Variants in TMEM272 observed in about 807,000 individuals in gnomAD.
TMEM272 encodes the protein transmembrane protein 272, also known as long intergenic non-protein coding RNA 282.
In TMEM272, 8 loss-of-function variants were observed where a neutral mutation model predicts 3.7. The observed-to-expected ratio is 2.17, with a 90% CI of 1.27 to 3.91. The LOEUF (loss-of-function observed/expected upper bound fraction) is 3.91, where lower values mean the gene tolerates loss of function less well. Ranked by LOEUF, TMEM272 falls within the 30% of genes most tolerant of loss-of-function variation. The pLI, the probability that TMEM272 is intolerant of heterozygous loss-of-function variation, is 0.00. For synonymous variants in TMEM272, 63 were observed against 39.8 expected (o/e 1.58, Z -2.20); for missense variants, 166 against 91.5 (o/e 1.81, Z -3.32).
the TMEM272 span, among the ~76,000 whole-genome samples, chr13:51,900,548 G>C: frequency 2.6e-5 from 4 of 152,200 alleles, no homozygotes; most frequent in Non-Finnish European, 5.9e-5. Context: ...CCATGTGTCA[G>C]TTCTTCAATG....
chr13:51,921,483 G>A, the TMEM272 span: 41 of 152,406 alleles, frequency 2.7e-4, no homozygotes, highest in African/African-American at 9.4e-4. Flanking sequence ...CAGTGTCTAA[G>A]CTCAGAGCAG....
chr13:51,816,779 C>T lies in TMEM272; in HGVS notation c.536G>A (p.Arg179Lys), dbSNP rs557274762. The T allele has an allele frequency of 5.7e-6, 4 of 700,978 alleles. No homozygotes were observed. The highest frequency in any genetic ancestry group is 1.0e-5 in the Non-Finnish European group (4 of 383,302). 43.4% of individuals were successfully genotyped at this position (700,978 alleles called of 1,614,324 possible). A position where few individuals can be genotyped will look rare whatever the true frequency, so the allele number is the denominator to read the frequency against. ...LCSGCVYLCSRWRLAADED is the reference protein window; with the variant it reads ...LCSGCVYLCSKWRLAADED ...GTCTTCATCGGCAGCAAGTCTCCAC[C>T]TGGAGCACAGGTAGACACAGCCGCT... The change falls in exon 5 of 5, where the codon AGG becomes AAG. Residue 179 changes from arginine to lysine, a missense_variant. By Grantham distance (26) the Arg-to-Lys change is conservative (BLOSUM62 2). Transcript: ENST00000629372.
At chr13:51,829,649 C>G (rs1178800346) in intron 2 of TMEM272, among the ~76,000 whole-genome samples, 1 of 152,164 alleles carries the variant, frequency 6.6e-6, no homozygotes, top group Non-Finnish European at 1.5e-5. Context: ...GATCGGCATC[C>G]TGAAAAATCC....
chr13:51,896,723 T>G, the TMEM272 span, among the ~76,000 whole-genome samples: 1 of 152,200 alleles, frequency 6.6e-6, no homozygotes, highest in African/African-American at 2.4e-5. Context: ...AACTGTGCAC[T>G]GATCCTTGCC....
the TMEM272 span, among the ~76,000 whole-genome samples, chr13:51,880,308 A>T: frequency 1.3e-5 from 2 of 150,884 alleles, no homozygotes; most frequent in East Asian, 1.9e-4. Context: ...TAAGGACTCT[A>T]AGCTAAGCTG....
At chr13:51,904,945 T>C in the TMEM272 span, among the ~76,000 whole-genome samples, 3,460 of 152,294 alleles carry the variant, frequency 0.023, 138 homozygotes, top group African/African-American at 0.079. Context: ...TTGGAATAGA[T>C]AATTGCTGTG....
At chr13:51,854,810 T>C in the TMEM272 span, among the ~76,000 whole-genome samples, 2 of 152,230 alleles carry the variant, frequency 1.3e-5, no homozygotes, top group Non-Finnish European at 2.9e-5. Flanking sequence ...GTTATTTTAA[T>C]TATTATTATT....
At chr13:51,855,848 C>A in the TMEM272 span, among the ~76,000 whole-genome samples, 5,235 of 151,954 alleles carry the variant, frequency 0.034, 314 homozygotes, top group African/African-American at 0.12. Flanking sequence ...GAAAATAAGA[C>A]GACATATTTA....
intron 2 of TMEM272, among the ~76,000 whole-genome samples, chr13:51,836,848 T>G (rs1027729197): frequency 2.0e-5 from 3 of 152,092 alleles, no homozygotes; most frequent in African/African-American, 7.2e-5. Flanking sequence ...ACCTAAAATG[T>G]TTTTGTCTGG....
chr13:51,908,272 C>T, the TMEM272 span: 1,334 of 973,958 alleles, frequency 1.4e-3, 14 homozygotes, highest in African/African-American at 0.02. Context: ...GCAGACTCAA[C>T]CCTAAAGGGA....
rs1313565540 is a variant in TMEM272 at position 51,830,900 on chromosome 13, ATCTAATGAGGCTCACTCTTGCTCGAGG to A, written c.59-4302_59-4276del. Among the ~76,000 whole-genome samples, 493 of 151,870 alleles carry A rather than the reference ATCTAATGAGGCTCACTCTTGCTCGAGG, an allele frequency of 3.2e-3. 5 individuals carry two copies. The highest frequency in any genetic ancestry group is 0.011 in the African/African-American group (460 of 41,382). Reference sequence around the variant, plus strand: ...CTAAAGAGGCTCACTCTTGCTTGAGATCTAATGAGGCTCACTCTTGCTCGAGGTCTAATGAGGCTCACTCTTGCTCGA... The same window carrying A: ...CTAAAGAGGCTCACTCTTGCTTGAGATCTAATGAGGCTCACTCTTGCTCGA... On this transcript the variant is annotated intron_variant, in intron 2 of 4. Transcript: ENST00000629372.
chr13:51,911,536 A>G, the TMEM272 span, among the ~76,000 whole-genome samples: 5 of 152,316 alleles, frequency 3.3e-5, no homozygotes, highest in African/African-American at 4.8e-5. Flanking sequence ...GCGCATGCAC[A>G]TATCTTCAAC....
the TMEM272 span, among the ~76,000 whole-genome samples, chr13:51,880,514 CTGTT>C: frequency 1.3e-5 from 2 of 152,070 alleles, no homozygotes; most frequent in African/African-American, 2.4e-5. Flanking sequence ...TTTAGTCACA[CTGTT>C]TGTTGTACAA....
At chr13:51,898,151 G>C in the TMEM272 span, among the ~76,000 whole-genome samples, 1 of 151,992 alleles carries the variant, frequency 6.6e-6, no homozygotes, top group Non-Finnish European at 1.5e-5. Flanking sequence ...CTGGGAGGCA[G>C]AGGCTGCAGT....
In TMEM272 at chr13:51,816,739, A is replaced by C. The variant is rs764674115; in HGVS notation, c.*12T>G. On this transcript the variant is annotated 3_prime_UTR_variant, in exon 5 of 5. Transcript: ENST00000629372. The stretch of plus-strand genomic sequence containing the variant: ...CGCATATGCATACATGGTATGCTGG[A>C]CAAGGCAGCTGTCAGTCTTCATCGG... 79 of 693,034 alleles carry C rather than the reference A, an allele frequency of 1.1e-4. No individual in the cohort carries two copies. The highest frequency in any genetic ancestry group is 1.7e-4 in the Non-Finnish European group (65 of 378,294). The allele number at this position is 693,034 out of a possible 1,614,324, so 42.9% of individuals were successfully genotyped here.
At chr13:51,933,734 T>G in the TMEM272 span, 1 of 152,196 alleles carries the variant, frequency 6.6e-6, no homozygotes, top group Non-Finnish European at 1.5e-5. Context: ...GTCACATGAA[T>G]TCTCTACTGA....
At chr13:51,841,971 C>T (rs1260461841) in intron 1 of TMEM272, among the ~76,000 whole-genome samples, 3 of 152,206 alleles carry the variant, frequency 2.0e-5, no homozygotes, top group African/African-American at 7.2e-5. Flanking sequence ...CAGGTACAGT[C>T]TCAAATGCTG....
At chr13:51,929,678 A>C in the TMEM272 span, among the ~76,000 whole-genome samples, 4 of 152,226 alleles carry the variant, frequency 2.6e-5, no homozygotes, top group African/African-American at 9.6e-5. Flanking sequence ...ATGGAGCATA[A>C]TAGATTACAG....
intron 3 of TMEM272, 62 bp from the exon 4 acceptor site, chr13:51,822,199 T>C (rs771738808): frequency 6.2e-6 from 4 of 642,138 alleles, no homozygotes; most frequent in Non-Finnish European, 1.1e-5. Context: ...AGCCCAGTTT[T>C]GAAAATGAGT....
Sources: allele counts gnomAD v4.1 joint callset (sites outside exome capture counted in the v4.1 genomes callset), GRCh38; gene constraint gnomAD v4.1.1; transcripts MANE v1.5; gene names NCBI Gene and HGNC (gene_info 2026-07-23, HGNC 2026-07-21).